The following ADGRL3 variants were observed in gnomAD, a reference collection of about 807,000 sequenced individuals.
ADGRL3 encodes adhesion G protein-coupled receptor L3.
In ADGRL3, 62 loss-of-function variants were observed where a neutral mutation model predicts 153.5. The ratio of observed to expected loss-of-function variants is 0.40; its 90% CI spans 0.33 to 0.50. ADGRL3 has a LOEUF of 0.50. ADGRL3 is among the 20% of genes least tolerant of loss of function. The pLI is 0.47. For synonymous variants in ADGRL3, 710 were observed against 672.5 expected (o/e 1.06, Z -0.86); for missense variants, 1,641 against 1,859.4 (o/e 0.88, Z 2.16).
chr4:61,870,384 C>G (rs970612745), intron 9 of ADGRL3, among the ~76,000 whole-genome samples: 1 of 152,110 alleles, frequency 6.6e-6, no homozygotes, highest in African/African-American at 2.4e-5. Context: ...TCTTCTTGAC[C>G]TTGGATTAAG....
intron 2 of ADGRL3, among the ~76,000 whole-genome samples, chr4:61,388,418 G>T (rs2096765259): frequency 6.6e-6 from 1 of 152,172 alleles, no homozygotes; most frequent in African/African-American, 2.4e-5. Context: ...TAAACACACA[G>T]GGTGAAACCA....
Position 61,467,562 on chromosome 4 carries a change from A to G in ADGRL3, c.-173-29559A>G, listed in dbSNP as rs543912161. On this transcript the variant is annotated intron_variant, in intron 2 of 26. Transcript: ENST00000683033. ...AGACTGAGACAGATATAGATGAAAAATAATAACTTTAAAAACTGTGTCCAT... is the reference window on the plus strand; with the variant it reads ...AGACTGAGACAGATATAGATGAAAAGTAATAACTTTAAAAACTGTGTCCAT... 2.9e-3 allele frequency among the ~76,000 whole-genome samples: 434 copies of G among 152,076 alleles called. 1 individual carries two copies. The highest frequency in any genetic ancestry group is 0.014 in the Middle Eastern group (4 of 294).
At chr4:61,312,996 T>A (rs2095068218) in intron 1 of ADGRL3, among the ~76,000 whole-genome samples, 1 of 152,196 alleles carries the variant, frequency 6.6e-6, no homozygotes, top group Non-Finnish European at 1.5e-5. Flanking sequence ...AGTGTATGGA[T>A]AAGCAGACAG....
chr4:61,748,498 G>A (rs1319238798), intron 8 of ADGRL3, among the ~76,000 whole-genome samples: 1 of 151,842 alleles, frequency 6.6e-6, no homozygotes, highest in African/African-American at 2.4e-5. Flanking sequence ...CATGGTACTG[G>A]TACCAAAACA....
Position 62,075,314 on chromosome 4 carries a change from T to A in ADGRL3, c.*4406T>A, listed in dbSNP as rs974812899. The A allele has an allele frequency of 1.1e-4, 17 of 152,112 alleles. No individual in the cohort carries two copies. Among genetic ancestry groups the A allele is most frequent in the African/African-American group, 4.1e-4 (17 of 41,406 alleles). 9.4% of individuals were successfully genotyped at this position (152,112 alleles called of 1,614,324 possible). A position where few individuals can be genotyped will look rare whatever the true frequency, so the allele number is the denominator to read the frequency against. On this transcript the variant is annotated 3_prime_UTR_variant, in exon 27 of 27. Transcript: ENST00000683033. ...GATCCTGCTGTCTCAGCCTTCTGCGTAGCCATGATCACAGGTTTGAGCCAC... is the reference window on the plus strand; with the variant it reads ...GATCCTGCTGTCTCAGCCTTCTGCGAAGCCATGATCACAGGTTTGAGCCAC...
At chr4:61,361,092 GTTCT>G (rs1337102627) in intron 1 of ADGRL3, among the ~76,000 whole-genome samples, 1 of 152,154 alleles carries the variant, frequency 6.6e-6, no homozygotes, top group Non-Finnish European at 1.5e-5. Context: ...CCCCAGTGTT[GTTCT>G]TTCTAACAAG....
intron 13 of ADGRL3, among the ~76,000 whole-genome samples, chr4:61,930,390 G>A (rs2098812992): frequency 1.3e-5 from 2 of 152,018 alleles, no homozygotes; most frequent in African/African-American, 4.8e-5. Context: ...ATTATTTTGT[G>A]TATTCTTCCT....
chr4:61,781,466 A>G (rs903652846), intron 8 of ADGRL3, among the ~76,000 whole-genome samples: 1 of 152,104 alleles, frequency 6.6e-6, no homozygotes, highest in Non-Finnish European at 1.5e-5. Flanking sequence ...TATATGCATC[A>G]TTATAGTTTA....
At position 61,432,638 on chromosome 4, in the gene ADGRL3, CTTTCTTTCTTTCTTTCTTTT is replaced by C. The variant is rs1560623496; in HGVS notation, c.-174+49453_-174+49472del. Among the ~76,000 whole-genome samples, 73 of 23,944 alleles carry C rather than the reference CTTTCTTTCTTTCTTTCTTTT, an allele frequency of 3.0e-3. 4 individuals are homozygous for C. The highest frequency in any genetic ancestry group is 6.2e-3 in the African/African-American group (51 of 8,222). 15.7% of individuals were successfully genotyped at this position (23,944 alleles called of 152,430 possible). On this transcript the variant is annotated intron_variant, in intron 2 of 26. Coordinates refer to ENST00000683033, the MANE Select transcript of ADGRL3 (RefSeq NM_001387552.1). Reference sequence around the variant, plus strand: ...TCTTTCTTTCTTTCTTTCTTTCTTTCTTTCTTTCTTTCTTTCTTTTTTTTTTTTTTTTGAGACAGAATTTC... The same window carrying C: ...TCTTTCTTTCTTTCTTTCTTTCTTTCTTTTTTTTTTTTGAGACAGAATTTC...
At chr4:61,928,608 A>G (rs546699347) in intron 13 of ADGRL3, among the ~76,000 whole-genome samples, 65 of 152,322 alleles carry the variant, frequency 4.3e-4, no homozygotes, top group African/African-American at 1.5e-3. Context: ...CTTTGGAAAC[A>G]TTATGGAAAA....
At chr4:61,995,704 G>A (rs751287372) in intron 19 of ADGRL3, among the ~76,000 whole-genome samples, 15 of 152,072 alleles carry the variant, frequency 9.9e-5, no homozygotes, top group Non-Finnish European at 1.9e-4. Context: ...TTACTTTTGG[G>A]TCATGAATCA....
chr4:61,282,371 A>AT (rs2093754488), intron 1 of ADGRL3, among the ~76,000 whole-genome samples: 1 of 152,052 alleles, frequency 6.6e-6, no homozygotes, highest in Admixed American at 6.6e-5. Context: ...CTATAATGAG[A>AT]TTTTATATCA....
chr4:61,454,268 A>C (rs1365749976), intron 2 of ADGRL3, among the ~76,000 whole-genome samples: 2 of 152,128 alleles, frequency 1.3e-5, no homozygotes, highest in East Asian at 3.9e-4. Flanking sequence ...GGTTAAAAAC[A>C]ATCTGTGCTA....
chr4:61,322,686 G>A (rs1401503372), intron 1 of ADGRL3, among the ~76,000 whole-genome samples: 1 of 152,314 alleles, frequency 6.6e-6, no homozygotes, highest in Non-Finnish European at 1.5e-5. Context: ...TTCAGGTCAC[G>A]CTGATGGAAG....
At chr4:61,991,207 T>C (rs918355643) in intron 19 of ADGRL3, among the ~76,000 whole-genome samples, 1 of 151,956 alleles carries the variant, frequency 6.6e-6, no homozygotes, top group Non-Finnish European at 1.5e-5. Context: ...CAAAATAGAT[T>C]GTATTAAAAA....
chr4:61,492,047 A>AC (rs2098264569), intron 2 of ADGRL3, among the ~76,000 whole-genome samples: 1 of 151,924 alleles, frequency 6.6e-6, no homozygotes, highest in Non-Finnish European at 1.5e-5. Context: ...AAACAAACAA[A>AC]AACATTGCTT....
At chr4:61,465,758 A>AATATAAATAT (rs1553936153) in intron 2 of ADGRL3, among the ~76,000 whole-genome samples, 1 of 130,178 alleles carries the variant, frequency 7.7e-6, no homozygotes, top group African/African-American at 2.7e-5. Flanking sequence ...ATTATATATA[A>AATATAAATAT]ATATATATAT....
At chr4:61,274,532 T>C (rs777006728) in intron 1 of ADGRL3, among the ~76,000 whole-genome samples, 2 of 152,194 alleles carry the variant, frequency 1.3e-5, no homozygotes, top group Non-Finnish European at 2.9e-5. Flanking sequence ...AGTAAATGCG[T>C]TGAATAACTA....
chr4:61,558,120 A>T (rs1474120290), intron 4 of ADGRL3, among the ~76,000 whole-genome samples: 1 of 146,032 alleles, frequency 6.8e-6, no homozygotes, highest in African/African-American at 2.5e-5. Context: ...ACATATATAT[A>T]TATGTAGGAA....
Sources: allele counts gnomAD v4.1 joint callset (sites outside exome capture counted in the v4.1 genomes callset), GRCh38; gene constraint gnomAD v4.1.1; transcripts MANE v1.5; gene names NCBI Gene and HGNC (gene_info 2026-07-23, HGNC 2026-07-21).